CEP112: variants seen among roughly 807,000 people sequenced by gnomAD.
CEP112 encodes centrosomal protein 112.
In CEP112, 127 loss-of-function variants were observed where a neutral mutation model predicts 153.0. That is an observed-to-expected ratio of 0.83 (90% CI 0.72 to 0.96). The LOEUF (loss-of-function observed/expected upper bound fraction) is 0.96. CEP112 is among the 40% of genes least tolerant of loss of function. CEP112 has a pLI of 0.00. For missense variants in CEP112, 1,089 were observed against 1,101.2 expected (o/e 0.99, Z 0.16); for synonymous variants, 358 against 374.4 (o/e 0.96, Z 0.51).
intron 17 of CEP112, among the ~76,000 whole-genome samples, chr17:65,963,798 A>G (rs2062309944): frequency 1.3e-5 from 2 of 152,112 alleles, no homozygotes; most frequent in African/African-American, 4.8e-5. Context: ...CATATCGTGC[A>G]TGTTTATTTG....
At chr17:65,892,230 A>G (rs946778403) in intron 20 of CEP112, among the ~76,000 whole-genome samples, 8 of 152,212 alleles carry the variant, frequency 5.3e-5, no homozygotes, top group Non-Finnish European at 1.2e-4. Flanking sequence ...TAAGCACTCC[A>G]AAATTCTTAA....
At chr17:66,114,454 C>T (rs2069192582) in intron 6 of CEP112, among the ~76,000 whole-genome samples, 1 of 152,060 alleles carries the variant, frequency 6.6e-6, no homozygotes, top group Admixed American at 6.5e-5. Context: ...ATCTGATATA[C>T]TATCTTAGCA....
At chr17:65,640,154 A>ATATATATATATATATATATTTT (rs1300751452) in intron 25 of CEP112, among the ~76,000 whole-genome samples, 2 of 78,348 alleles carry the variant, frequency 2.6e-5, no homozygotes, top group African/African-American at 1.4e-4. Flanking sequence ...ATATATATAT[A>ATATATATATATATATATATTTT]TTTTTTTTTT....
chr17:66,015,572 C>T (rs186903813), intron 16 of CEP112, among the ~76,000 whole-genome samples: 7 of 152,316 alleles, frequency 4.6e-5, no homozygotes, highest in Admixed American at 3.9e-4. Context: ...GGTCACAACA[C>T]TTTGGCCTAA....
intron 20 of CEP112, among the ~76,000 whole-genome samples, chr17:65,864,016 C>T (rs1232092124): frequency 6.6e-6 from 1 of 151,824 alleles, no homozygotes; most frequent in Non-Finnish European, 1.5e-5. Context: ...GGGCACGCAC[C>T]TGTAGTCCCA....
At chr17:66,175,255 G>T (rs1212519231) in intron 3 of CEP112, 39 bp from the exon 4 acceptor site, 2 of 1,434,790 alleles carry the variant, frequency 1.4e-6, no homozygotes, top group Non-Finnish European at 1.9e-6. Context: ...CTTTCAAAAT[G>T]TACTATAATA....
chr17:65,771,347 T>C (rs752991336), intron 21 of CEP112, among the ~76,000 whole-genome samples: 1 of 152,130 alleles, frequency 6.6e-6, no homozygotes, highest in African/African-American at 2.4e-5. Context: ...CTAACAATCC[T>C]AAATATGTAT....
At chr17:65,783,166 A>C (rs921110011) in intron 21 of CEP112, among the ~76,000 whole-genome samples, 6 of 152,316 alleles carry the variant, frequency 3.9e-5, no homozygotes, top group African/African-American at 1.4e-4. Flanking sequence ...GAAGGCTAAA[A>C]GCACCTGAAA....
chr17:65,893,988 C>T (rs1481188567), intron 20 of CEP112, among the ~76,000 whole-genome samples: 1 of 152,042 alleles, frequency 6.6e-6, no homozygotes, highest in Non-Finnish European at 1.5e-5. Flanking sequence ...AAAATTACCA[C>T]AAATATACAA....
chr17:65,875,476 G>A lies in CEP112; in HGVS notation c.2164-23442C>T, dbSNP rs182763422. 2.7e-3 allele frequency among the ~76,000 whole-genome samples: 418 copies of A among 152,082 alleles called. 1 individual carries two copies. Among genetic ancestry groups the A allele is most frequent in the African/African-American group, 9.5e-3 (396 of 41,522 alleles). ...TTATCTGTTTTCAACTCTGATGATC[G>A]TGACCTTAATACCTTTACGTACTTC... On this transcript the variant is annotated intron_variant, in intron 20 of 26. Transcript: ENST00000535342.
intron 6 of CEP112, among the ~76,000 whole-genome samples, chr17:66,115,442 C>T (rs767990220): frequency 2.6e-5 from 4 of 152,238 alleles, no homozygotes; most frequent in African/African-American, 4.8e-5. Flanking sequence ...AGCTCATCTA[C>T]TGGGACAGTG....
intron 4 of CEP112, among the ~76,000 whole-genome samples, chr17:66,155,725 C>T (rs2071411673): frequency 6.6e-6 from 1 of 152,190 alleles, no homozygotes; most frequent in South Asian, 2.1e-4. Context: ...AGGCATCCGC[C>T]ATTACTGAGG....
intron 18 of CEP112, among the ~76,000 whole-genome samples, chr17:65,935,951 A>G (rs1016008230): frequency 3.3e-5 from 5 of 152,112 alleles, no homozygotes; most frequent in Non-Finnish European, 5.9e-5. Flanking sequence ...AATAAAAAAG[A>G]TCAATGAAAC....
At chr17:65,906,561 G>C (rs1394670733) in intron 19 of CEP112, among the ~76,000 whole-genome samples, 1 of 152,062 alleles carries the variant, frequency 6.6e-6, no homozygotes, top group Non-Finnish European at 1.5e-5. Context: ...AATGTATTTT[G>C]CATCTCAGAA....
chr17:65,774,582 G>A (rs2053570512), intron 21 of CEP112, among the ~76,000 whole-genome samples: 1 of 152,194 alleles, frequency 6.6e-6, no homozygotes, highest in South Asian at 2.1e-4. Context: ...GAGCAGCACG[G>A]ATGTAGCCAA....
intron 23 of CEP112, among the ~76,000 whole-genome samples, chr17:65,696,998 G>A (rs571498087): frequency 6.6e-6 from 1 of 152,242 alleles, no homozygotes; most frequent in South Asian, 2.1e-4. Flanking sequence ...CAGGGGGGTA[G>A]GATGTGCATA....
chr17:66,092,044 C>CTT (rs71293589), intron 8 of CEP112, among the ~76,000 whole-genome samples: 258 of 141,620 alleles, frequency 1.8e-3, no homozygotes, highest in Middle Eastern at 3.7e-3. Flanking sequence ...TATGTATTTA[C>CTT]TTTTTTTTTT....
At chr17:65,733,076 G>A (rs1181902139) in intron 23 of CEP112, among the ~76,000 whole-genome samples, 1 of 152,148 alleles carries the variant, frequency 6.6e-6, no homozygotes, top group Non-Finnish European at 1.5e-5. Context: ...CTAGCTTTTG[G>A]TTTAAAGTTA....
chr17:66,008,226 C>T (rs549726892), intron 16 of CEP112, among the ~76,000 whole-genome samples: 1 of 152,108 alleles, frequency 6.6e-6, no homozygotes, highest in African/African-American at 2.4e-5. Context: ...GTCACATATT[C>T]ATATCATACA....
Sources: allele counts gnomAD v4.1 joint callset (sites outside exome capture counted in the v4.1 genomes callset), GRCh38; gene constraint gnomAD v4.1.1; transcripts MANE v1.5; gene names NCBI Gene and HGNC (gene_info 2026-07-23, HGNC 2026-07-21).